TRIM72: variants seen among roughly 807,000 people sequenced by gnomAD.
TRIM72 encodes tripartite motif containing 72.
In TRIM72, 33 loss-of-function variants were observed where a neutral mutation model predicts 31.6. The observed-to-expected ratio is 1.04, with a 90% confidence interval of 0.79 to 1.40. The LOEUF is 1.40. TRIM72 is among the 40% of genes most tolerant of loss of function. The pLI is 0.00. For missense variants in TRIM72, 666 were observed against 682.7 expected, an observed-to-expected ratio of 0.98 and a Z score of 0.27; for synonymous variants, 301 against 314.4, an observed-to-expected ratio of 0.96 and a Z score of 0.45.
chr16:31,221,952 T>C (rs911543402), intron 5 of TRIM72, among the ~76,000 whole-genome samples: 16 of 148,370 alleles, frequency 1.1e-4, no homozygotes, highest in African/African-American at 4.0e-4. Context: ...GGGAGAAGGG[T>C]GTTGCTGGGA....
chr16:31,229,650 C>T lies in TRIM72; in HGVS notation c.*4895C>T, dbSNP rs12926702. On this transcript the variant is annotated 3_prime_UTR_variant, in exon 7 of 7. Transcript: ENST00000322122. ...ACATGTGTTCTAAAGCACCAGCGTC[C>T]CCTCCGTGAGTCCCTCCTCTCCACG... 1,009 of 152,284 alleles carry T rather than the reference C, an allele frequency of 6.6e-3. 11 individuals carry two copies. Among genetic ancestry groups the T allele is most frequent in the Non-Finnish European group, 0.012 (826 of 68,024 alleles). The allele number at this position is 152,284 out of a possible 1,614,324, so 9.4% of individuals were successfully genotyped here. A position where few individuals can be genotyped will look rare whatever the true frequency, so the allele number is the denominator to read the frequency against.
rs1233010154 is a variant in TRIM72, at chr16:31,224,894, G to A, written c.*139G>A. On this transcript the variant is annotated 3_prime_UTR_variant, in exon 7 of 7. Coordinates refer to ENST00000322122, the MANE Select transcript of TRIM72 (RefSeq NM_001008274.4). ...GAACTGGGGGATCTCCCAGAATACT[G>A]ACAAGCGTGGGGTAGGACTGGCTTG... The A allele has an allele frequency of 2.4e-5, 21 of 889,818 alleles. No individual in the cohort carries two copies. The East Asian group carries it at 6.4e-4, about 27-fold the overall frequency. The allele number at this position is 889,818 out of a possible 1,614,324, so 55.1% of individuals were successfully genotyped here.
At chr16:31,220,054 CGCCTG>C in intron 4 of TRIM72, among the ~76,000 whole-genome samples, 1 of 146,984 alleles carries the variant, frequency 6.8e-6, no homozygotes, top group East Asian at 2.1e-4. Context: ...TGAGCCACCG[CGCCTG>C]GTCTTTTTTT....
chr16:31,219,605 G>C lies in TRIM72; in HGVS notation c.717+86G>C. The C allele has an allele frequency of 7.7e-7, 1 of 1,291,902 alleles. No homozygotes were observed. The highest frequency in any genetic ancestry group is 1.1e-6 in the Non-Finnish European group (1 of 927,250). The allele number at this position is 1,291,902 out of a possible 1,614,324, so 80.0% of individuals were successfully genotyped here. A position where few individuals can be genotyped will look rare whatever the true frequency, so the allele number is the denominator to read the frequency against. The stretch of plus-strand genomic sequence containing the variant: ...TCCCATTGTCAGATAGGCCCAGAGA[G>C]GGGCAGGGATAAGCCAGCAGCACAC... On this transcript the variant is annotated intron_variant, in intron 4 of 6. Transcript: ENST00000322122. This position sits in a 1 kb window ranked among gnomAD's most constrained non-coding sequence, Gnocchi z 4.2.
Position 31,231,052 on chromosome 16 carries a change from G to A in TRIM72, c.*6297G>A, listed in dbSNP as rs1400531195. On this transcript the variant is annotated 3_prime_UTR_variant, in exon 7 of 7. Transcript: ENST00000322122. The stretch of plus-strand genomic sequence containing the variant: ...TGTTTTGTTTTTTTTTTGAGATGGA[G>A]TCTCACTGTCTCCCAGGCTGGAGTG... The A allele has an allele frequency of 6.6e-6, 1 of 151,484 alleles. No individual in the cohort carries two copies. Among genetic ancestry groups the A allele is most frequent in the Non-Finnish European group, 1.5e-5 (1 of 67,916 alleles). The allele number at this position is 151,484 out of a possible 1,614,324, so 9.4% of individuals were successfully genotyped here.
chr16:31,219,441 C>T lies in TRIM72; in HGVS notation c.639C>T (p.Asn213=). The T allele has an allele frequency of 1.9e-6, 3 of 1,612,752 alleles. No homozygotes were observed. The South Asian group carries it at 3.3e-5, about 18-fold the overall frequency. ...TGCGCCGGGAGCTGGGGAGCCTGAA[C>T]TCTTACCTGGAGCAGCTGCGGCAGA... ...VALRRELGSL[N]SYLEQLRQME... is the part of the protein sequence containing the mutation. The change falls in exon 4 of 7, where the codon AAC becomes AAT. Residue 213 remains asparagine, a synonymous_variant. Transcript: ENST00000322122. The surrounding 1 kb of genome is among the most constrained non-coding windows in gnomAD (Gnocchi z 4.2).
rs2144186818 is a variant in TRIM72, at chr16:31,214,637, G to A, written c.-7-95G>A. ...TTTACAGGCTGGGGCTTCTCCCTGC[G>A]GGGCGGCGGGCCCGGCCTGGGCTAG... On this transcript the variant is annotated intron_variant, in intron 1 of 6. Coordinates refer to ENST00000322122, the MANE Select transcript of TRIM72 (RefSeq NM_001008274.4). The A allele has an allele frequency of 3.8e-6, 5 of 1,301,052 alleles. No individual in the cohort carries two copies. In the South Asian group the frequency reaches 8.8e-5, roughly 23 times the overall value. The allele number at this position is 1,301,052 out of a possible 1,614,324, so 80.6% of individuals were successfully genotyped here.
At position 31,224,406 on chromosome 16, in the gene TRIM72, T is replaced by C. The variant is rs1567495928; in HGVS notation, c.1085T>C (p.Ile362Thr). ...AAGCCGCGCTGGGCGCTGGGCGTGA[T>C]CGCGGCCGAGGCCCCCCGCCGCGGG... ...GDKPRWALGV[I>T]AAEAPRRGRL... Residue 362 changes from isoleucine to threonine, a missense_variant, in exon 7 of 7, where the codon ATC (isoleucine) becomes ACC (threonine). Physicochemically the swap from Ile to Thr is moderately conservative, Grantham distance 89. Coordinates refer to ENST00000322122, the MANE Select transcript of TRIM72 (RefSeq NM_001008274.4). 7.0e-7 allele frequency: 1 copy of C among 1,431,614 alleles called. No individual in the cohort carries two copies. Among genetic ancestry groups the C allele is most frequent in the African/African-American group, 1.5e-5 (1 of 66,546 alleles). 88.7% of individuals were successfully genotyped at this position (1,431,614 alleles called of 1,614,324 possible). A position where few individuals can be genotyped will look rare whatever the true frequency, so the allele number is the denominator to read the frequency against.
Position 31,220,902 on chromosome 16 carries a change from T to C in TRIM72, c.724T>C (p.Cys242Arg). The change falls in exon 5 of 7, where the codon TGC becomes CGC. Residue 242 changes from cysteine to arginine, a missense_variant. Physicochemically the swap from Cys to Arg is radical, Grantham distance 180. Transcript: ENST00000322122. Reference sequence around the variant, plus strand: ...TCTTTTTCTCTCTCTCCAGAAATACTGCCTGGTGACCAGCAGGTGAGAGCA... The same window carrying C: ...TCTTTTTCTCTCTCTCCAGAAATACCGCCTGGTGACCAGCAGGTGAGAGCA... ...KPQTEFLMKY[C>R]LVTSRLQKIL... The C allele has an allele frequency of 6.2e-7, 1 of 1,614,222 alleles. No homozygotes were observed. Among genetic ancestry groups the C allele is most frequent in the Non-Finnish European group, 8.5e-7 (1 of 1,180,032 alleles).
rs1044795912 is a variant in TRIM72 at position 31,219,042 on chromosome 16, G to A, written c.391-53G>A. ...AGAGGGCAGGTTTAGGATGGGAGGT[G>A]TGGGTTTTGGGTGGGTGGCATCCCC... is the stretch of plus-strand genomic sequence containing the variant. On this transcript the variant is annotated intron_variant, in intron 2 of 6. Coordinates refer to ENST00000322122, the MANE Select transcript of TRIM72 (RefSeq NM_001008274.4). The surrounding 1 kb of genome is among the most constrained non-coding windows in gnomAD (Gnocchi z 4.2). 18 of 1,511,924 alleles carry A rather than the reference G, an allele frequency of 1.2e-5. No individual in the cohort carries two copies. Among genetic ancestry groups the A allele is most frequent in the East Asian group, 2.5e-5 (1 of 40,688 alleles). The allele number at this position is 1,511,924 out of a possible 1,614,324, so 93.7% of individuals were successfully genotyped here. A position where few individuals can be genotyped will look rare whatever the true frequency, so the allele number is the denominator to read the frequency against.
At chr16:31,221,877 A>G (rs2079535943) in intron 5 of TRIM72, among the ~76,000 whole-genome samples, 1 of 149,830 alleles carries the variant, frequency 6.7e-6, no homozygotes, top group Admixed American at 6.6e-5. Flanking sequence ...CATTGCAGGG[A>G]AAAGGGCGTT....
At position 31,224,333 on chromosome 16, in the gene TRIM72, C is replaced by G. The variant is rs201970764; in HGVS notation, c.1012C>G (p.Gln338Glu). The G allele has an allele frequency of 2.5e-6, 4 of 1,592,720 alleles. No homozygotes were observed. In the Admixed American group the frequency reaches 5.2e-5, roughly 21 times the overall value. Residue 338 changes from glutamine (Q) to glutamate (E), a missense_variant, in exon 7 of 7, where the codon CAG (glutamine) becomes GAG (glutamate). Gln to Glu is a conservative substitution (Grantham distance 29). Coordinates refer to ENST00000322122, the MANE Select transcript of TRIM72 (RefSeq NM_001008274.4). ...CAAGGCGGTGGCGGTGGTGGCGCAC[C>G]AGCAGCTCTCCGAGGGCGAGCACTA... ...FDKAVAVVAH[Q>E]QLSEGEHYWE...
At position 31,215,125 on chromosome 16, in the gene TRIM72, C is replaced by T. The variant is rs777546373; in HGVS notation, c.387C>T (p.Leu129=). 9 of 1,439,548 alleles carry T rather than the reference C, an allele frequency of 6.3e-6. No homozygotes were observed. The highest frequency in any genetic ancestry group is 8.1e-6 in the Non-Finnish European group (9 of 1,105,544). The allele number at this position is 1,439,548 out of a possible 1,614,324, so 89.2% of individuals were successfully genotyped here. Residue 129 remains leucine, a synonymous_variant, in exon 2 of 7, where the codon CTC becomes CTT. Transcript: ENST00000322122. This position sits in a 1 kb window ranked among gnomAD's most constrained non-coding sequence, Gnocchi z 6.3. ...CTGCCGCCGAGGCCCACGCACGCCT[C>T]AAGGTGCGGGATCCGCGCGCATCGT... The part of the protein sequence containing the change: ...LLPAAEAHAR[L]KTQLPQQKLQ...
rs138440104 is a variant in TRIM72 at position 31,219,378 on chromosome 16, C to A, written c.576C>A (p.Arg192=). 2 of 1,614,082 alleles carry A rather than the reference C, an allele frequency of 1.2e-6. No homozygotes were observed. Among genetic ancestry groups the A allele is most frequent in the Non-Finnish European group, 1.7e-6 (2 of 1,180,010 alleles). Residue 192 remains arginine, a synonymous_variant, in exon 4 of 7, where the codon CGC becomes CGA. Transcript: ENST00000322122. The surrounding 1 kb of genome is among the most constrained non-coding windows in gnomAD (Gnocchi z 4.2). ...FLAALEGSLD[R]EAERVRGEAG... ...CTGCACTGGAGGGCTCCTTGGACCG[C>A]GAGGCAGAGCGTGTACGGGGTGAGG...
At chr16:31,214,636 CG>C (rs1307872882) in intron 1 of TRIM72, 95 bp from the exon 2 acceptor site, 3 of 1,294,388 alleles carry the variant, frequency 2.3e-6, no homozygotes, top group Non-Finnish European at 3.0e-6. Context: ...CTTCTCCCTG[CG>C]GGGCGGCGGG....
Position 31,219,122 on chromosome 16 carries a change from C to T in TRIM72, c.418C>T (p.Leu140=), listed in dbSNP as rs776916600. The T allele has an allele frequency of 6.3e-7, 1 of 1,590,452 alleles. No individual in the cohort carries two copies. ...ACAGCTGCCACAGCAGAAACTGCAG[C>T]TGCAGGAGGCATGCATGCGCAAGGA... is the stretch of plus-strand genomic sequence containing the variant. The part of the protein sequence containing the change: ...KTQLPQQKLQ[L]QEACMRKEKS... Residue 140 remains leucine, a synonymous_variant, in exon 3 of 7, where the codon CTG becomes TTG. Coordinates refer to ENST00000322122, the MANE Select transcript of TRIM72 (RefSeq NM_001008274.4). This position sits in a 1 kb window ranked among gnomAD's most constrained non-coding sequence, Gnocchi z 4.2.
Position 31,217,237 on chromosome 16 carries a change from C to A in TRIM72, c.391-1858C>A, listed in dbSNP as rs899433555. On this transcript the variant is annotated intron_variant, in intron 2 of 6. Coordinates refer to ENST00000322122, the MANE Select transcript of TRIM72 (RefSeq NM_001008274.4). Reference sequence around the variant, plus strand: ...GTTTCCCCTGGGAGAGTGGGGGCGCCAAATTGTTGAGGTGGGGATTGCTGT... The same window carrying A: ...GTTTCCCCTGGGAGAGTGGGGGCGCAAAATTGTTGAGGTGGGGATTGCTGT... 2.6e-5 allele frequency: 15 copies of A among 585,922 alleles called. No homozygotes were observed. In the South Asian group the frequency reaches 3.5e-4, roughly 14 times the overall value. 36.3% of individuals were successfully genotyped at this position (585,922 alleles called of 1,614,324 possible).
Position 31,224,664 on chromosome 16 carries a change from C to A in TRIM72, c.1343C>A (p.Pro448His). The change falls in exon 7 of 7, where the codon CCC (proline) becomes CAC (histidine). Residue 448 changes from proline to histidine, a missense_variant. Coordinates refer to ENST00000322122, the MANE Select transcript of TRIM72 (RefSeq NM_001008274.4). ...GCCTTCCACGAGCGCCTGCCCAGGC[C>A]CGTGTACCCCTTCTTCGACGTGTGC... The part of the protein sequence containing the change: ...LFAFHERLPR[P>H]VYPFFDVCWH... 1 of 1,548,712 alleles carries A rather than the reference C, an allele frequency of 6.5e-7. No homozygotes were observed. The highest frequency in any genetic ancestry group is 1.9e-5 in the Admixed American group (1 of 52,766).
At chr16:31,218,409 G>C (rs1377392675) in intron 2 of TRIM72, among the ~76,000 whole-genome samples, 1 of 152,198 alleles carries the variant, frequency 6.6e-6, no homozygotes, top group African/African-American at 2.4e-5. Context: ...ATGGCCAGGA[G>C]TGGTGGCTCA....
Sources: gnomAD v4.1 joint callset for allele counts (sites outside exome capture counted in the v4.1 genomes callset) on GRCh38, gnomAD v4.1.1 for gene constraint, Gnocchi (gnomAD v3.1) non-coding constraint, MANE v1.5 for transcripts, NCBI Gene and HGNC (gene_info 2026-07-23, HGNC 2026-07-21) for gene names.